The following FRMD4A variants were observed in gnomAD, a reference collection of about 807,000 sequenced individuals.
FRMD4A encodes the protein FERM domain-containing protein 4A.
FRMD4A carries 29 observed loss-of-function variants against 129.1 expected under a neutral mutation model. The observed-to-expected ratio is 0.22, with a 90% CI of 0.17 to 0.31. FRMD4A has a LOEUF of 0.31. FRMD4A is among the 10% of genes least tolerant of loss of function. The pLI, the probability that FRMD4A is intolerant of heterozygous loss-of-function variation, is 1.00. For synonymous variants in FRMD4A, 634 were observed against 571.6 expected, an observed-to-expected ratio of 1.11 and a Z score of -1.56; for missense variants, 1,272 against 1,375.8, an observed-to-expected ratio of 0.92 and a Z score of 1.19.
At chr10:14,080,866 C>T (rs1409702557) in intron 2 of FRMD4A, among the ~76,000 whole-genome samples, 3 of 151,528 alleles carry the variant, frequency 2.0e-5, no homozygotes, top group African/African-American at 4.9e-5. Flanking sequence ...GAGATAAATT[C>T]GTCAAGTAGA....
At chr10:13,652,250 T>G in intron 23 of FRMD4A, 1 of 489,158 alleles carries the variant, frequency 2.0e-6, no homozygotes, top group Non-Finnish European at 3.7e-6. Context: ...GAACCAAAAT[T>G]GCTGTTTTTC....
chr10:13,798,763 G>C (rs536325608), intron 4 of FRMD4A, among the ~76,000 whole-genome samples: 1 of 152,260 alleles, frequency 6.6e-6, no homozygotes, highest in Admixed American at 6.5e-5. Context: ...TAAAATAACA[G>C]GAGCAACTTC....
At chr10:14,294,110 G>T (rs1264749086) in intron 2 of FRMD4A, among the ~76,000 whole-genome samples, 1 of 152,160 alleles carries the variant, frequency 6.6e-6, no homozygotes, top group African/African-American at 2.4e-5. Flanking sequence ...GTGCAGTCAA[G>T]CAGGGGCACC....
intron 2 of FRMD4A, among the ~76,000 whole-genome samples, chr10:13,935,787 C>G (rs946548813): frequency 1.3e-5 from 2 of 152,150 alleles, no homozygotes; most frequent in Non-Finnish European, 1.5e-5. Flanking sequence ...ATCCTCCTTC[C>G]TACTAAAAAG....
intron 2 of FRMD4A, among the ~76,000 whole-genome samples, chr10:14,185,456 A>G (rs764112259): frequency 9.2e-5 from 14 of 152,240 alleles, no homozygotes; most frequent in African/African-American, 2.4e-4. Flanking sequence ...CGTGGCAGAA[A>G]TTAGTACAAA....
intron 2 of FRMD4A, among the ~76,000 whole-genome samples, chr10:13,882,221 C>T (rs758910127): frequency 1.3e-5 from 2 of 151,932 alleles, no homozygotes; most frequent in Non-Finnish European, 2.9e-5. Context: ...TATAATGACT[C>T]AGGAAAGAGA....
intron 12 of FRMD4A, among the ~76,000 whole-genome samples, chr10:13,726,309 GAA>G (rs1051636973): frequency 6.6e-6 from 1 of 152,050 alleles, no homozygotes; most frequent in African/African-American, 2.4e-5. Flanking sequence ...AAACAAAAAA[GAA>G]ACTTCTGTTT....
chr10:13,877,330 C>T (rs2094498481), intron 2 of FRMD4A, among the ~76,000 whole-genome samples: 1 of 152,220 alleles, frequency 6.6e-6, no homozygotes, highest in African/African-American at 2.4e-5. Flanking sequence ...CCAAGGTCCA[C>T]ATGCTCAGAT....
chr10:13,706,541 T>C (rs554324679), intron 13 of FRMD4A, among the ~76,000 whole-genome samples: 1 of 152,314 alleles, frequency 6.6e-6, no homozygotes, highest in Admixed American at 6.5e-5. Context: ...TTACAGCTCC[T>C]GGAATAAAAC....
chr10:13,958,394 C>T (rs2131352385), intron 2 of FRMD4A, among the ~76,000 whole-genome samples: 1 of 150,566 alleles, frequency 6.6e-6, no homozygotes, highest in East Asian at 2.0e-4. Context: ...CGCCATTCTC[C>T]TGCCTCAGCC....
chr10:13,744,217 C>T (rs1205308163), intron 9 of FRMD4A, among the ~76,000 whole-genome samples: 3 of 151,982 alleles, frequency 2.0e-5, no homozygotes, highest in Non-Finnish European at 4.4e-5. Context: ...CTTATTGAGG[C>T]GATAGGGGTG....
At chr10:13,710,371 C>G (rs2087892452) in intron 12 of FRMD4A, 2 of 152,412 alleles carry the variant, frequency 1.3e-5, no homozygotes, top group Admixed American at 6.5e-5. Context: ...TAAGTGCTCC[C>G]TGATGCAGTT....
chr10:14,164,959 T>C (rs1253991527), intron 2 of FRMD4A, among the ~76,000 whole-genome samples: 1 of 152,162 alleles, frequency 6.6e-6, no homozygotes, highest in Non-Finnish European at 1.5e-5. Flanking sequence ...CTCCTTCCAG[T>C]GTGGCCCAGG....
intron 2 of FRMD4A, among the ~76,000 whole-genome samples, chr10:14,108,014 A>G (rs988191324): frequency 2.0e-5 from 3 of 152,180 alleles, no homozygotes; most frequent in African/African-American, 7.2e-5. Context: ...TTTGCTATAC[A>G]TGTTGTCAAA....
At chr10:14,026,893 T>C (rs1174965673) in intron 2 of FRMD4A, among the ~76,000 whole-genome samples, 1 of 152,272 alleles carries the variant, frequency 6.6e-6, no homozygotes, top group Non-Finnish European at 1.5e-5. Flanking sequence ...AACATTGTTC[T>C]AGTTTTCCAG....
At chr10:13,866,019 G>A (rs182192926) in intron 2 of FRMD4A, among the ~76,000 whole-genome samples, 5 of 152,040 alleles carry the variant, frequency 3.3e-5, no homozygotes, top group Admixed American at 2.6e-4. Context: ...TGACATCCCC[G>A]TGAAAAGCAA....
At chr10:13,936,527 T>A (rs1429539927) in intron 2 of FRMD4A, among the ~76,000 whole-genome samples, 2 of 152,106 alleles carry the variant, frequency 1.3e-5, no homozygotes, top group East Asian at 3.9e-4. Flanking sequence ...GAGATTAGTG[T>A]CCTCATAAGA....
intron 2 of FRMD4A, among the ~76,000 whole-genome samples, chr10:13,988,979 A>T (rs898042999): frequency 6.6e-6 from 1 of 152,212 alleles, no homozygotes; most frequent in African/African-American, 2.4e-5. Context: ...AGATGATTCC[A>T]TTATAAACTG....
At chr10:13,990,365 G>A (rs916046311) in intron 2 of FRMD4A, among the ~76,000 whole-genome samples, 2 of 152,192 alleles carry the variant, frequency 1.3e-5, no homozygotes, top group African/African-American at 4.8e-5. Context: ...GAGGGAGGAG[G>A]AAGTAAGGAC....
Sources: allele counts gnomAD v4.1 joint callset (sites outside exome capture counted in the v4.1 genomes callset), GRCh38; gene constraint gnomAD v4.1.1; transcripts MANE v1.5; gene names NCBI Gene and HGNC (gene_info 2026-07-23, HGNC 2026-07-21).